BLOC1S6: variants seen among roughly 807,000 people sequenced by gnomAD.
BLOC1S6 encodes biogenesis of lysosomal organelles complex 1 subunit 6.
In BLOC1S6, 24 loss-of-function variants were observed where a neutral mutation model predicts 24.7. The ratio of observed to expected loss-of-function variants is 0.97; its 90% CI spans 0.70 to 1.37. The LOEUF is 1.37. Ranked by LOEUF, BLOC1S6 falls within the 40% of genes most tolerant of loss-of-function variation. The pLI is 0.00. For missense variants in BLOC1S6, 175 were observed against 196.2 expected (o/e 0.89, Z 0.64); for synonymous variants, 76 against 72.6 (o/e 1.05, Z -0.23).
chr15:45,587,384 C>T lies in BLOC1S6; in HGVS notation c.-60C>T. 2 of 1,484,060 alleles carry T rather than the reference C, an allele frequency of 1.3e-6. No individual in the cohort carries two copies. The highest frequency in any genetic ancestry group is 1.7e-4 in the Middle Eastern group (1 of 5,864). 91.9% of individuals were successfully genotyped at this position (1,484,060 alleles called of 1,614,324 possible). A position where few individuals can be genotyped will look rare whatever the true frequency, so the allele number is the denominator to read the frequency against. On this transcript the variant is annotated 5_prime_UTR_variant, in exon 1 of 5. Coordinates refer to ENST00000220531, the MANE Select transcript of BLOC1S6 (RefSeq NM_012388.4). Reference sequence around the variant, plus strand: ...GGCCAGCCGCTGGAGTCGTTAGGTGCCGCCTTGCTTCTGACGAGCCACACG... The same window carrying T: ...GGCCAGCCGCTGGAGTCGTTAGGTGTCGCCTTGCTTCTGACGAGCCACACG...
rs142252679 is a variant in BLOC1S6 at position 45,588,204 on chromosome 15, T to C, written c.82+679T>C. On this transcript the variant is annotated intron_variant, in intron 1 of 4. Coordinates refer to ENST00000220531, the MANE Select transcript of BLOC1S6 (RefSeq NM_012388.4). ...ACCTCCTGTTTCAGAAATATAGGGGTTACCCCCAAATAGTGCTCTCAGCAC... is the reference window on the plus strand; with the variant it reads ...ACCTCCTGTTTCAGAAATATAGGGGCTACCCCCAAATAGTGCTCTCAGCAC... 2.5e-3 allele frequency among the ~76,000 whole-genome samples: 377 copies of C among 152,344 alleles called. 4 individuals are homozygous for C. Among genetic ancestry groups the C allele is most frequent in the African/African-American group, 8.8e-3 (365 of 41,578 alleles).
chr15:45,598,934 T>A (rs1286980285), intron 2 of BLOC1S6: 3 of 47,414 alleles, frequency 6.3e-5, no homozygotes, highest in African/African-American at 2.0e-4. Flanking sequence ...CTTCAAACTA[T>A]ACTACAAGGC....
At chr15:45,595,148 C>T (rs925788029) in intron 2 of BLOC1S6, among the ~76,000 whole-genome samples, 63 of 152,092 alleles carry the variant, frequency 4.1e-4, no homozygotes, top group African/African-American at 1.5e-3. Context: ...TGTGCCCTAG[C>T]CTGGGTGACA....
At chr15:45,587,956 A>G (rs1414456669) in intron 1 of BLOC1S6, 5 of 584,648 alleles carry the variant, frequency 8.6e-6, no homozygotes, top group African/African-American at 1.9e-5. Context: ...TTCCTGCAGC[A>G]GTCTTCTCGA....
intron 1 of BLOC1S6, among the ~76,000 whole-genome samples, chr15:45,590,717 C>G (rs1893853768): frequency 6.6e-6 from 1 of 152,086 alleles, no homozygotes; most frequent in African/African-American, 2.4e-5. Context: ...CTGTTTTTCT[C>G]AATTTTGCCA....
chr15:45,594,080 G>T (rs1893982963), intron 2 of BLOC1S6, among the ~76,000 whole-genome samples: 1 of 152,028 alleles, frequency 6.6e-6, no homozygotes, highest in Non-Finnish European at 1.5e-5. Flanking sequence ...AGATATAGGG[G>T]AAAGAGTACT....
chr15:45,587,346 A>G (rs1007033469), upstream of BLOC1S6: 11 of 1,223,630 alleles, frequency 9.0e-6, no homozygotes, highest in African/African-American at 4.5e-5. Context: ...GGGTGCGACA[A>G]TCTCTTCTGT....
chr15:45,591,144 G>C (rs1324638002), intron 1 of BLOC1S6, among the ~76,000 whole-genome samples: 2 of 152,028 alleles, frequency 1.3e-5, no homozygotes, highest in Non-Finnish European at 2.9e-5. Context: ...TATTTTCTAT[G>C]GTAAATTAAG....
chr15:45,601,689 T>C (rs1480593148), intron 2 of BLOC1S6, among the ~76,000 whole-genome samples: 1 of 152,162 alleles, frequency 6.6e-6, no homozygotes, highest in Non-Finnish European at 1.5e-5. Flanking sequence ...TATTGATCTT[T>C]TAAAGAACCA....
chr15:45,606,863 T>C lies in BLOC1S6; in HGVS notation c.*349T>C, dbSNP rs750021620. On this transcript the variant is annotated 3_prime_UTR_variant, in exon 5 of 5. Transcript: ENST00000220531. Reference sequence around the variant, plus strand: ...CTTAATGAATATGGATTTAAAACTCTCCAGTTCTTATTTTATGAAATGACT... The same window carrying C: ...CTTAATGAATATGGATTTAAAACTCCCCAGTTCTTATTTTATGAAATGACT... The C allele has an allele frequency of 4.2e-6, 1 of 236,860 alleles. No homozygotes were observed. The highest frequency in any genetic ancestry group is 2.3e-5 in the African/African-American group (1 of 43,434). The allele number at this position is 236,860 out of a possible 1,614,324, so 14.7% of individuals were successfully genotyped here.
At chr15:45,596,604 T>C (rs1894087053) in intron 2 of BLOC1S6, among the ~76,000 whole-genome samples, 2 of 152,210 alleles carry the variant, frequency 1.3e-5, no homozygotes, top group Non-Finnish European at 2.9e-5. Flanking sequence ...GGTTTTCTAT[T>C]CTGTTCCATT....
At chr15:45,594,011 G>T (rs1405495176) in intron 2 of BLOC1S6, among the ~76,000 whole-genome samples, 4 of 152,078 alleles carry the variant, frequency 2.6e-5, no homozygotes, top group Admixed American at 2.0e-4. Flanking sequence ...TCAGAGAAAG[G>T]AAAAAGAGAG....
At chr15:45,603,879 G>A (rs564270319) in intron 3 of BLOC1S6, among the ~76,000 whole-genome samples, 3 of 151,824 alleles carry the variant, frequency 2.0e-5, no homozygotes, top group Non-Finnish European at 4.4e-5. Context: ...ATAAATTAAT[G>A]CTATAGGCTG....
chr15:45,599,951 A>T (rs941586751), intron 2 of BLOC1S6, among the ~76,000 whole-genome samples: 1 of 149,804 alleles, frequency 6.7e-6, no homozygotes, highest in Non-Finnish European at 1.5e-5. Flanking sequence ...ACAATGATAG[A>T]CTGGATTAAG....
intron 2 of BLOC1S6, among the ~76,000 whole-genome samples, chr15:45,602,801 T>TC (rs1894315733): frequency 6.6e-6 from 1 of 152,236 alleles, no homozygotes; most frequent in African/African-American, 2.4e-5. Context: ...ATAAAAAACT[T>TC]CTTTTTTGGA....
chr15:45,592,226 T>A lies in BLOC1S6; in HGVS notation c.174T>A (p.Ser58=), dbSNP rs2140904620. The A allele has an allele frequency of 6.2e-7, 1 of 1,614,166 alleles. No homozygotes were observed. Among genetic ancestry groups the A allele is most frequent in the Non-Finnish European group, 8.5e-7 (1 of 1,180,034 alleles). ...AGCAACTGGCAGAAGGATTGCTTTC[T>A]CATTATTTGCCAGATCTGCAGAGAT... ...AVEQLAEGLL[S]HYLPDLQRSK... is the part of the protein sequence containing the mutation. The change falls in exon 2 of 5, where the codon TCT becomes TCA. Residue 58 remains serine (S), a synonymous_variant. Transcript: ENST00000220531.
chr15:45,605,175 A>G (rs1272520281), intron 3 of BLOC1S6, among the ~76,000 whole-genome samples: 3 of 152,232 alleles, frequency 2.0e-5, no homozygotes, highest in Non-Finnish European at 4.4e-5. Context: ...AATATTGTCT[A>G]TGCCCATCTT....
intron 4 of BLOC1S6, 78 bp downstream of exon 4, chr15:45,605,592 A>AT (rs1894424735): frequency 4.5e-6 from 5 of 1,102,708 alleles, no homozygotes; most frequent in Admixed American, 5.1e-5. Context: ...TTTTTTCAGT[A>AT]TTCTTTTTTT....
chr15:45,600,561 C>T (rs978541444), intron 2 of BLOC1S6, among the ~76,000 whole-genome samples: 1 of 152,106 alleles, frequency 6.6e-6, no homozygotes, highest in Non-Finnish European at 1.5e-5. Context: ...TTGATAGGAC[C>T]ATGTAATTTT....
Sources: allele counts gnomAD v4.1 joint callset (sites outside exome capture counted in the v4.1 genomes callset), GRCh38; gene constraint gnomAD v4.1.1; transcripts MANE v1.5; gene names NCBI Gene and HGNC (gene_info 2026-07-23, HGNC 2026-07-21).